KDM4B: variants seen among roughly 807,000 people sequenced by gnomAD.
KDM4B encodes the protein lysine demethylase 4B.
A neutral mutation model predicts 125.2 loss-of-function variants in KDM4B; 32 were observed. The ratio of observed to expected loss-of-function variants is 0.26; its 90% CI spans 0.19 to 0.34. The LOEUF is 0.34. Ranked by LOEUF, KDM4B falls within the 10% of genes least tolerant of loss-of-function variation. KDM4B has a pLI of 1.00. For missense variants in KDM4B, 1,190 were observed against 1,577.7 expected (o/e 0.75, Z 4.16); for synonymous variants, 721 against 677.9 (o/e 1.06, Z -0.99).
intron 9 of KDM4B, among the ~76,000 whole-genome samples, chr19:5,107,153 G>A (rs1441073459): frequency 2.0e-5 from 3 of 152,232 alleles, no homozygotes; most frequent in Non-Finnish European, 4.4e-5. Flanking sequence ...CAGCTTCCCC[G>A]GCAGCTCTCA....
At chr19:5,008,526 C>T (rs1280442352) in intron 1 of KDM4B, among the ~76,000 whole-genome samples, 3 of 151,986 alleles carry the variant, frequency 2.0e-5, no homozygotes, top group Non-Finnish European at 4.4e-5. Context: ...AGACTACAGC[C>T]TTCTTAGTTG....
intron 9 of KDM4B, among the ~76,000 whole-genome samples, chr19:5,094,490 A>G (rs889404343): frequency 1.3e-5 from 2 of 152,130 alleles, no homozygotes; most frequent in Admixed American, 6.5e-5. Context: ...AGAAGGGACT[A>G]TGGGAGAGAT....
At chr19:5,124,753 G>A (rs888381370) in intron 11 of KDM4B, among the ~76,000 whole-genome samples, 5 of 152,126 alleles carry the variant, frequency 3.3e-5, no homozygotes, top group Admixed American at 6.5e-5. Context: ...CCGCCACCAT[G>A]CCCTGCTAAT....
chr19:5,131,574 A>T, intron 12 of KDM4B, 29 bp downstream of exon 12: 1 of 140,382 alleles, frequency 7.1e-6, no homozygotes. Context: ...GGCAGGGAGG[A>T]GGGGGGCAGG....
chr19:5,138,330 T>C, intron 18 of KDM4B: 4 of 515,852 alleles, frequency 7.8e-6, no homozygotes, highest in Non-Finnish European at 1.0e-5. Context: ...GGTGTGGCCT[T>C]GGGGGCATCC....
chr19:5,046,527 C>T (rs1568254817), intron 5 of KDM4B, among the ~76,000 whole-genome samples: 1 of 152,222 alleles, frequency 6.6e-6, no homozygotes, highest in Non-Finnish European at 1.5e-5. Flanking sequence ...GTGAGAGCAG[C>T]TCACGTTCAT....
At chr19:5,040,781 C>G (rs1322662043) in intron 4 of KDM4B, among the ~76,000 whole-genome samples, 1 of 152,198 alleles carries the variant, frequency 6.6e-6, no homozygotes, top group South Asian at 2.1e-4. Context: ...TCCTGCTCAC[C>G]CGGCCTTCCC....
At chr19:5,150,226 T>A (rs1244717959) in intron 21 of KDM4B, 132 bp from the exon 22 acceptor site, 1 of 630,922 alleles carries the variant, frequency 1.6e-6, no homozygotes, top group Non-Finnish European at 2.8e-6. Flanking sequence ...AGCTTCAGCT[T>A]GGCTGCATGT....
chr19:5,065,642 G>A (rs562596897), intron 6 of KDM4B, among the ~76,000 whole-genome samples: 4 of 152,366 alleles, frequency 2.6e-5, no homozygotes, highest in Non-Finnish European at 2.9e-5. Context: ...GGCCAGCGTG[G>A]CGGCGAGATG....
At chr19:5,019,833 T>C in intron 2 of KDM4B, among the ~76,000 whole-genome samples, 1 of 138,286 alleles carries the variant, frequency 7.2e-6, no homozygotes, top group East Asian at 2.3e-4. Flanking sequence ...GGTGTGCAGA[T>C]GTTGGTGTGG....
rs575950979 is a variant in KDM4B, at chr19:4,982,846, C to T, written c.-109+13616C>T. On this transcript the variant is annotated intron_variant, in intron 1 of 22. Coordinates refer to ENST00000159111, the MANE Select transcript of KDM4B (RefSeq NM_015015.3). ...CAGGCTGGTCTCAAACTCCTGACCTCGTGATCTGCCTGCCTTGGCCTCTGA... is the reference window on the plus strand; with the variant it reads ...CAGGCTGGTCTCAAACTCCTGACCTTGTGATCTGCCTGCCTTGGCCTCTGA... 1.2e-4 allele frequency among the ~76,000 whole-genome samples: 18 copies of T among 152,214 alleles called. No individual in the cohort carries two copies. In the South Asian group the frequency reaches 3.3e-3, roughly 28 times the overall value.
intron 13 of KDM4B, 115 bp downstream of exon 13, chr19:5,132,122 C>T: frequency 1.5e-6 from 2 of 1,300,752 alleles, no homozygotes; most frequent in Non-Finnish European, 2.1e-6. Context: ...GGGTCTCCTC[C>T]CCTGAACCCA....
chr19:5,060,600 G>T (rs1472327490), intron 6 of KDM4B, among the ~76,000 whole-genome samples: 1 of 152,080 alleles, frequency 6.6e-6, no homozygotes, highest in Non-Finnish European at 1.5e-5. Flanking sequence ...TCCCCACTGA[G>T]GTCGAATAAT....
chr19:5,054,944 G>C (rs2037349833), intron 6 of KDM4B, among the ~76,000 whole-genome samples: 1 of 152,244 alleles, frequency 6.6e-6, no homozygotes, highest in Non-Finnish European at 1.5e-5. Context: ...AGCACCAGAA[G>C]CTGGCTTTGG....
intron 6 of KDM4B, among the ~76,000 whole-genome samples, chr19:5,066,975 C>T (rs1387604182): frequency 1.3e-5 from 2 of 152,130 alleles, no homozygotes; most frequent in African/African-American, 4.8e-5. Flanking sequence ...TCCTGCGTCC[C>T]GGCCGATGTG....
intron 21 of KDM4B, among the ~76,000 whole-genome samples, chr19:5,145,879 A>G (rs1356572489): frequency 6.6e-6 from 1 of 152,204 alleles, no homozygotes; most frequent in African/African-American, 2.4e-5. Flanking sequence ...CTTTGTAAAC[A>G]TCGGAGTTCA....
At chr19:5,135,277 C>A in intron 14 of KDM4B, 62 bp from the exon 15 acceptor site, 1 of 1,205,224 alleles carries the variant, frequency 8.3e-7, no homozygotes, top group Non-Finnish European at 1.2e-6. Context: ...GAGAGGTCCG[C>A]GCCGCCCGCC....
chr19:5,137,881 C>T (rs1301705118), intron 17 of KDM4B, 81 bp from the exon 18 acceptor site: 2 of 1,280,406 alleles, frequency 1.6e-6, no homozygotes, highest in Non-Finnish European at 2.2e-6. Context: ...ACCCAGCCGA[C>T]AGCCACATCA....
At chr19:5,065,131 T>C (rs2613763) in intron 6 of KDM4B, among the ~76,000 whole-genome samples, 44 of 152,314 alleles carry the variant, frequency 2.9e-4, no homozygotes, top group African/African-American at 1.0e-3. Flanking sequence ...CTGCGCAGCG[T>C]CACCTAGCAC....
Sources: allele counts gnomAD v4.1 joint callset (sites outside exome capture counted in the v4.1 genomes callset), GRCh38; gene constraint gnomAD v4.1.1; transcripts MANE v1.5; gene names NCBI Gene and HGNC (gene_info 2026-07-23, HGNC 2026-07-21).